MYO1E: variants seen among roughly 807,000 people sequenced by gnomAD.
MYO1E encodes the protein unconventional myosin-Ie.
MYO1E carries 68 observed loss-of-function variants against 151.1 expected under a neutral mutation model. That is an observed-to-expected ratio of 0.45 (90% confidence interval 0.37 to 0.55). The LOEUF (loss-of-function observed/expected upper bound fraction) is 0.55, where lower values mean the gene tolerates loss of function less well. MYO1E is among the 20% of genes least tolerant of loss of function. MYO1E has a pLI of 0.00. For synonymous variants in MYO1E, 601 were observed against 501.7 expected (o/e 1.20, Z -2.64); for missense variants, 1,363 against 1,389.3 (o/e 0.98, Z 0.30).
chr15:59,277,561 A>AC (rs765946535), intron 1 of MYO1E, among the ~76,000 whole-genome samples: 2,336 of 145,958 alleles, frequency 0.016, 72 homozygotes, highest in African/African-American at 0.054. Context: ...AAAAAAAAAA[A>AC]AAAAAAAAAA....
At position 59,372,683 on chromosome 15, in the gene MYO1E, G is replaced by C; in HGVS notation, c.-183C>G. On this transcript the variant is annotated 5_prime_UTR_variant, in exon 1 of 28. Transcript: ENST00000288235. The stretch of plus-strand genomic sequence containing the variant: ...GGACTCCATCCAGGCGGGATTGGCG[G>C]TGCTAGGTGAGGGCGAGACGGCGGC... The C allele has an allele frequency of 1.4e-6, 1 of 722,042 alleles. No homozygotes were observed. 44.7% of individuals were successfully genotyped at this position (722,042 alleles called of 1,614,324 possible).
chr15:59,265,243 C>G (rs1183638934), intron 2 of MYO1E, among the ~76,000 whole-genome samples: 1 of 152,040 alleles, frequency 6.6e-6, no homozygotes, highest in Non-Finnish European at 1.5e-5. Flanking sequence ...TGGTTACTGC[C>G]GCCTTGTCCT....
intron 5 of MYO1E, among the ~76,000 whole-genome samples, chr15:59,234,194 T>C (rs1203196362): frequency 2.6e-5 from 4 of 151,554 alleles, no homozygotes; most frequent in Non-Finnish European, 4.4e-5. Flanking sequence ...CAAAATTCTG[T>C]TGGACATCAC....
At chr15:59,354,292 C>T (rs2080841552) in intron 1 of MYO1E, among the ~76,000 whole-genome samples, 1 of 152,212 alleles carries the variant, frequency 6.6e-6, no homozygotes, top group South Asian at 2.1e-4. Context: ...AGGTGGATGG[C>T]ACGTTGGCTT....
chr15:59,319,302 C>T (rs1299354552), intron 1 of MYO1E, among the ~76,000 whole-genome samples: 2 of 151,980 alleles, frequency 1.3e-5, no homozygotes, highest in Non-Finnish European at 2.9e-5. Context: ...CAGAGCAAGT[C>T]TCCATCTGAA....
At chr15:59,211,053 A>T (rs1172204178) in intron 12 of MYO1E, among the ~76,000 whole-genome samples, 1 of 152,044 alleles carries the variant, frequency 6.6e-6, no homozygotes, top group Non-Finnish European at 1.5e-5. Flanking sequence ...TACAAAAAGA[A>T]GCTGAGTGTG....
rs1371269208 is a variant in MYO1E, at chr15:59,207,429, G to A, written c.1530+1252C>T. On this transcript the variant is annotated intron_variant, in intron 14 of 27. Coordinates refer to ENST00000288235, the MANE Select transcript of MYO1E (RefSeq NM_004998.4). ...GCCTTAATTTAGTCCAGCGAAATGT[G>A]GCCATCTTCAAGTTAATGATTTCCA... The A allele has an allele frequency of 1.1e-5, 18 of 1,613,904 alleles. No individual in the cohort carries two copies. The African/African-American group carries it at 1.9e-4, about 17-fold the overall frequency.
intron 1 of MYO1E, among the ~76,000 whole-genome samples, chr15:59,347,267 C>T (rs947698082): frequency 3.3e-5 from 5 of 152,174 alleles, no homozygotes; most frequent in Non-Finnish European, 7.3e-5. Flanking sequence ...AGGATCCAGG[C>T]TGCGCGCTTC....
intron 1 of MYO1E, among the ~76,000 whole-genome samples, chr15:59,281,641 C>G (rs968930535): frequency 6.6e-6 from 1 of 151,666 alleles, no homozygotes; most frequent in African/African-American, 2.4e-5. Flanking sequence ...TCATTTTCAA[C>G]TATTTTAACA....
intron 18 of MYO1E, among the ~76,000 whole-genome samples, chr15:59,185,987 C>A (rs2079695161): frequency 6.6e-6 from 1 of 152,204 alleles, no homozygotes; most frequent in African/African-American, 2.4e-5. Flanking sequence ...TGTTACTGAT[C>A]TGTTTAAGGA....
chr15:59,202,860 G>A (rs569374527), intron 15 of MYO1E, among the ~76,000 whole-genome samples: 9 of 152,092 alleles, frequency 5.9e-5, no homozygotes, highest in South Asian at 2.1e-4. Context: ...TCCCACCTCC[G>A]CCTCCTGAGT....
rs984341300 is a variant in MYO1E at position 59,214,634 on chromosome 15, C to A, written c.1188+6G>T. ...CTCAACCCCTAGTTATTAAAACTGG[C>A]CTTACCTGGAATATTTCAAAGCCAT... On this transcript the variant is annotated splice_donor_region_variant and intron_variant, in intron 11 of 27. Coordinates refer to ENST00000288235, the MANE Select transcript of MYO1E (RefSeq NM_004998.4). 12 of 1,603,830 alleles carry A rather than the reference C, an allele frequency of 7.5e-6. No individual in the cohort carries two copies. The highest frequency in any genetic ancestry group is 1.0e-5 in the Non-Finnish European group (12 of 1,170,654).
At chr15:59,240,378 CTG>C (rs1296328015) in intron 4 of MYO1E, among the ~76,000 whole-genome samples, 2 of 151,570 alleles carry the variant, frequency 1.3e-5, no homozygotes, top group African/African-American at 4.9e-5. Context: ...GAGTGTGTGT[CTG>C]TGTGTGGGGG....
intron 19 of MYO1E, among the ~76,000 whole-genome samples, chr15:59,176,040 T>G (rs2079622686): frequency 7.1e-6 from 1 of 140,868 alleles, no homozygotes; most frequent in Non-Finnish European, 1.6e-5. Context: ...CCCTATGGTG[T>G]CTGATGTGGG....
At chr15:59,238,186 C>T (rs1293425490) in intron 4 of MYO1E, among the ~76,000 whole-genome samples, 1 of 152,186 alleles carries the variant, frequency 6.6e-6, no homozygotes, top group Non-Finnish European at 1.5e-5. Flanking sequence ...AATTCAACTC[C>T]ATGGGGAAAT....
chr15:59,188,292 A>C, intron 17 of MYO1E, 76 bp from the exon 18 acceptor site: 1 of 1,154,332 alleles, frequency 8.7e-7, no homozygotes, highest in Non-Finnish European at 1.3e-6. Context: ...CCAACCCCCA[A>C]GCCCCCAGTT....
intron 22 of MYO1E, among the ~76,000 whole-genome samples, chr15:59,169,188 T>C (rs1026144345): frequency 3.3e-5 from 5 of 152,182 alleles, no homozygotes; most frequent in African/African-American, 9.7e-5. Context: ...CTTTGATAAA[T>C]CGTAACTAGG....
chr15:59,204,376 T>C (rs1433274949), intron 15 of MYO1E, among the ~76,000 whole-genome samples: 2 of 152,132 alleles, frequency 1.3e-5, no homozygotes, highest in Admixed American at 1.3e-4. Flanking sequence ...AGCCCTTTAA[T>C]AGGAAATTAT....
At chr15:59,355,643 T>G (rs1361730145) in intron 1 of MYO1E, among the ~76,000 whole-genome samples, 3 of 152,242 alleles carry the variant, frequency 2.0e-5, no homozygotes, top group Non-Finnish European at 4.4e-5. Context: ...CACATGCAAT[T>G]TTAAAAAGCA....
Sources: gnomAD v4.1 joint callset for allele counts (sites outside exome capture counted in the v4.1 genomes callset) on GRCh38, gnomAD v4.1.1 for gene constraint, MANE v1.5 for transcripts, NCBI Gene and HGNC (gene_info 2026-07-23, HGNC 2026-07-21) for gene names.